DLD: variants seen among roughly 807,000 people sequenced by gnomAD.
The protein encoded by DLD is dihydrolipoyl dehydrogenase, mitochondrial.
In DLD, 36 loss-of-function variants were observed where a neutral mutation model predicts 62.2. The ratio of observed to expected loss-of-function variants is 0.58; its 90% CI spans 0.44 to 0.76. The LOEUF is 0.76. DLD is among the 30% of genes least tolerant of loss of function. DLD has a pLI of 0.00. For synonymous variants in DLD, 204 were observed against 199.6 expected (o/e 1.02, Z -0.19); for missense variants, 541 against 608.6 (o/e 0.89, Z 1.17).
intron 6 of DLD, 79 bp from the exon 7 acceptor site, chr7:107,905,282 C>T: frequency 1.4e-6 from 2 of 1,399,328 alleles, no homozygotes; most frequent in Middle Eastern, 1.8e-4. Context: ...AAATTATTTA[C>T]AGAGTAATTT....
rs1051507771 is a variant in DLD, at chr7:107,902,534, A to G, written c.267+141A>G. ...ACATTTCACACAGAGAAAAAAAAGA[A>G]TGATAAAAAACACACTTCTCTTTTG... is the stretch of plus-strand genomic sequence containing the variant. On this transcript the variant is annotated intron_variant, in intron 4 of 13. Coordinates refer to ENST00000205402, the MANE Select transcript of DLD (RefSeq NM_000108.5). The G allele has an allele frequency of 6.3e-6, 5 of 788,330 alleles. No individual in the cohort carries two copies. In the East Asian group the frequency reaches 8.0e-5, roughly 13 times the overall value. 48.8% of individuals were successfully genotyped at this position (788,330 alleles called of 1,614,324 possible).
At chr7:107,909,967 C>G (rs2032101301) in intron 8 of DLD, among the ~76,000 whole-genome samples, 1 of 151,604 alleles carries the variant, frequency 6.6e-6, no homozygotes, top group African/African-American at 2.4e-5. Flanking sequence ...ATTCTCCTGC[C>G]TCAGCCTCCT....
chr7:107,903,412 T>G (rs2031926784), intron 4 of DLD, 66 bp from the exon 5 acceptor site: 2 of 1,014,618 alleles, frequency 2.0e-6, no homozygotes, highest in Non-Finnish European at 3.1e-6. Flanking sequence ...ATTTCATAAG[T>G]GCTTTTTGAT....
chr7:107,904,516 A>T (rs2031955149), intron 5 of DLD: 1 of 361,026 alleles, frequency 2.8e-6, no homozygotes, highest in Non-Finnish European at 5.3e-6. Flanking sequence ...AACCTAGGTG[A>T]TTAAACTTTT....
At chr7:107,897,424 AG>A (rs2031754111) in intron 2 of DLD, among the ~76,000 whole-genome samples, 1 of 152,134 alleles carries the variant, frequency 6.6e-6, no homozygotes, top group Admixed American at 6.6e-5. Flanking sequence ...CAAATTATTT[AG>A]TTGTTTTCAA....
rs768594380 is a variant in DLD, at chr7:107,917,434, G to C, written c.1208G>C (p.Gly403Ala). The C allele has an allele frequency of 1.2e-6, 2 of 1,614,136 alleles. No homozygotes were observed. Among genetic ancestry groups the C allele is most frequent in the Non-Finnish European group, 1.7e-6 (2 of 1,180,006 alleles). The part of the protein sequence containing the change: ...IYTHPEVAWV[G>A]KSEEQLKEEG... The stretch of plus-strand genomic sequence containing the variant: ...ACACACCCTGAAGTTGCTTGGGTTG[G>C]CAAATCAGAAGAGCAGTTGAAAGAA... The change falls in exon 11 of 14, where the codon GGC (glycine) becomes GCC (alanine). Residue 403 changes from glycine to alanine, a missense_variant. Coordinates refer to ENST00000205402, the MANE Select transcript of DLD (RefSeq NM_000108.5).
intron 5 of DLD, among the ~76,000 whole-genome samples, chr7:107,904,208 A>T (rs1312281917): frequency 6.6e-6 from 1 of 152,206 alleles, no homozygotes; most frequent in Non-Finnish European, 1.5e-5. Flanking sequence ...GAGATGATGT[A>T]TATGCACTAA....
chr7:107,893,510 A>G (rs1182319786), intron 2 of DLD: 1 of 387,864 alleles, frequency 2.6e-6, no homozygotes, highest in Non-Finnish European at 4.6e-6. Flanking sequence ...GACAAACAAT[A>G]TATAAGTAAT....
rs111619940 is a variant in DLD at position 107,919,729 on chromosome 7, G to T, written c.*470G>T. On this transcript the variant is annotated 3_prime_UTR_variant, in exon 14 of 14. Transcript: ENST00000205402. Reference sequence around the variant, plus strand: ...GATATGATTCAAATGTCTATAAACCGAACTGATGTAAGTAAACGGTCTCTC... The same window carrying T: ...GATATGATTCAAATGTCTATAAACCTAACTGATGTAAGTAAACGGTCTCTC... The T allele has an allele frequency of 8.6e-3, 1,388 of 161,564 alleles. 18 individuals are homozygous for T. Among genetic ancestry groups the T allele is most frequent in the African/African-American group, 0.032 (1,318 of 41,604 alleles). The allele number at this position is 161,564 out of a possible 1,614,324, so 10.0% of individuals were successfully genotyped here.
intron 2 of DLD, among the ~76,000 whole-genome samples, chr7:107,895,096 A>G (rs954254573): frequency 4.6e-5 from 7 of 152,222 alleles, no homozygotes; most frequent in African/African-American, 1.4e-4. Flanking sequence ...TACAACAGCA[A>G]TAATATTAAC....
At chr7:107,915,293 T>C (rs898895565) in intron 8 of DLD, among the ~76,000 whole-genome samples, 13 of 152,210 alleles carry the variant, frequency 8.5e-5, no homozygotes, top group African/African-American at 2.9e-4. Flanking sequence ...TTGCCTACCA[T>C]GTAGTAGATG....
chr7:107,891,889 C>T (rs2031588080), intron 1 of DLD, among the ~76,000 whole-genome samples: 1 of 152,196 alleles, frequency 6.6e-6, no homozygotes, highest in Non-Finnish European at 1.5e-5. Flanking sequence ...CAGAACAACT[C>T]TCCTTTTTAA....
chr7:107,916,340 C>G (rs2032268068), intron 9 of DLD, among the ~76,000 whole-genome samples: 3 of 152,098 alleles, frequency 2.0e-5, no homozygotes, highest in Non-Finnish European at 2.9e-5. Flanking sequence ...CATTGTCTGA[C>G]TCTTATGTTT....
Position 107,905,236 on chromosome 7 carries a change from T to A in DLD, c.439-125T>A, listed in dbSNP as rs1220828512. The stretch of plus-strand genomic sequence containing the variant: ...CAGATTTTTTTGCTGCACCATGGTG[T>A]AGCATTACTAAGTAAGGAAGCATTT... On this transcript the variant is annotated intron_variant, in intron 6 of 13. Transcript: ENST00000205402. 3.7e-6 allele frequency: 4 copies of A among 1,092,294 alleles called. No individual in the cohort carries two copies. In the Admixed American group the frequency reaches 8.1e-5, roughly 22 times the overall value. 67.7% of individuals were successfully genotyped at this position (1,092,294 alleles called of 1,614,324 possible).
intron 1 of DLD, among the ~76,000 whole-genome samples, chr7:107,892,433 T>TA (rs1187210997): frequency 3.9e-5 from 6 of 152,342 alleles, no homozygotes; most frequent in African/African-American, 1.4e-4. Flanking sequence ...AAATACGGAC[T>TA]GTATATACAC....
intron 10 of DLD, 147 bp from the exon 11 acceptor site, chr7:107,917,125 TA>T: frequency 8.3e-7 from 1 of 1,203,310 alleles, no homozygotes. Flanking sequence ...TACTCAAAGA[TA>T]AGCTGAATTC....
At chr7:107,893,990 C>T (rs1276518242) in intron 2 of DLD, among the ~76,000 whole-genome samples, 5 of 152,060 alleles carry the variant, frequency 3.3e-5, no homozygotes, top group Admixed American at 1.3e-4. Flanking sequence ...TCTTGACATC[C>T]TGAATGAAAG....
intron 4 of DLD, among the ~76,000 whole-genome samples, chr7:107,903,176 A>G (rs931045082): frequency 6.6e-6 from 1 of 152,120 alleles, no homozygotes; most frequent in African/African-American, 2.4e-5. Context: ...AGGCGGGTGG[A>G]TCACCTGAGG....
intron 2 of DLD, among the ~76,000 whole-genome samples, chr7:107,900,244 G>A (rs1273027981): frequency 1.3e-5 from 2 of 152,038 alleles, no homozygotes; most frequent in African/African-American, 4.8e-5. Flanking sequence ...CCAACACAGA[G>A]GTTCTGTGAT....
Sources: gnomAD v4.1 joint callset for allele counts (sites outside exome capture counted in the v4.1 genomes callset) on GRCh38, gnomAD v4.1.1 for gene constraint, MANE v1.5 for transcripts, NCBI Gene and HGNC (gene_info 2026-07-23, HGNC 2026-07-21) for gene names.